Variants in ALG9 observed in about 807,000 individuals in gnomAD.
ALG9 encodes ALG9 alpha-1,2-mannosyltransferase.
A neutral mutation model predicts 81.8 loss-of-function variants in ALG9; 55 were observed. That is an observed-to-expected ratio of 0.67 (90% confidence interval 0.54 to 0.84). The LOEUF is 0.84. Ranked by LOEUF, ALG9 falls within the 40% of genes least tolerant of loss-of-function variation. The pLI, the probability that ALG9 is intolerant of heterozygous loss-of-function variation, is 0.00. For synonymous variants in ALG9, 278 were observed against 274.3 expected (o/e 1.01, Z -0.13); for missense variants, 629 against 745.0 (o/e 0.84, Z 1.81).
intron 14 of ALG9, among the ~76,000 whole-genome samples, chr11:111,801,579 G>C (rs141955026): frequency 1.6e-3 from 243 of 152,270 alleles, no homozygotes; most frequent in African/African-American, 5.5e-3. Flanking sequence ...AATAGTTACT[G>C]TTTTACTGAT....
chr11:111,854,143 G>A (rs1466499524), intron 6 of ALG9, among the ~76,000 whole-genome samples: 1 of 148,438 alleles, frequency 6.7e-6, no homozygotes, highest in Non-Finnish European at 1.5e-5. Flanking sequence ...TATTGCCCAG[G>A]CTGGAGTGCA....
chr11:111,866,982 C>T (rs1476068777), intron 3 of ALG9, among the ~76,000 whole-genome samples: 2 of 152,122 alleles, frequency 1.3e-5, no homozygotes, highest in Admixed American at 1.3e-4. Flanking sequence ...GTAATCCCAG[C>T]CACTCAGGAG....
chr11:111,841,231 G>T (rs1956166098), intron 9 of ALG9, among the ~76,000 whole-genome samples: 1 of 152,082 alleles, frequency 6.6e-6, no homozygotes, highest in South Asian at 2.1e-4. Context: ...CTGTTTAATT[G>T]GTGTCTCTTA....
chr11:111,866,864 AG>A (rs2137246360), intron 3 of ALG9, among the ~76,000 whole-genome samples: 1 of 152,144 alleles, frequency 6.6e-6, no homozygotes, highest in South Asian at 2.1e-4. Context: ...AGGCCAAGGC[AG>A]GTGGATCACT....
At chr11:111,803,467 C>T (rs1949442859) in intron 14 of ALG9, among the ~76,000 whole-genome samples, 1 of 147,934 alleles carries the variant, frequency 6.8e-6, no homozygotes, top group Admixed American at 6.8e-5. Flanking sequence ...CGGCACTGCA[C>T]TCCAACCTGG....
At chr11:111,844,948 C>T (rs1343707746) in intron 8 of ALG9, among the ~76,000 whole-genome samples, 1 of 152,178 alleles carries the variant, frequency 6.6e-6, no homozygotes, top group Admixed American at 6.5e-5. Flanking sequence ...AATCAAGTTT[C>T]AAATAGTTAG....
At chr11:111,863,538 A>G (rs1272881296) in intron 4 of ALG9, among the ~76,000 whole-genome samples, 2 of 152,140 alleles carry the variant, frequency 1.3e-5, no homozygotes, top group Admixed American at 6.5e-5. Context: ...AAGGCCAAAC[A>G]TTTTTTAAAA....
At chr11:111,833,212 T>C (rs1954684659) in intron 13 of ALG9, among the ~76,000 whole-genome samples, 1 of 152,174 alleles carries the variant, frequency 6.6e-6, no homozygotes, top group Non-Finnish European at 1.5e-5. Flanking sequence ...AGTGTATCAT[T>C]CACCTTGAAA....
At chr11:111,857,942 T>A in intron 5 of ALG9, 5 of 569,494 alleles carry the variant, frequency 8.8e-6, no homozygotes, top group African/African-American at 1.9e-5. Context: ...TTTTTCTCAC[T>A]CCTGGTTTTT....
chr11:111,831,416 T>C (rs1954355936), intron 13 of ALG9, among the ~76,000 whole-genome samples: 1 of 152,122 alleles, frequency 6.6e-6, no homozygotes, highest in African/African-American at 2.4e-5. Context: ...GAAGATCGAT[T>C]GAGCCCAGGA....
chr11:111,782,136 C>T (rs970585876), downstream of ALG9: 1 of 152,104 alleles, frequency 6.6e-6, no homozygotes, highest in East Asian at 1.9e-4. Context: ...CCTTCAGTTT[C>T]CAATTTCCAA....
In ALG9 at chr11:111,856,193, C is replaced by T. The variant is rs1178772636; in HGVS notation, c.701+1409G>A. Among the ~76,000 whole-genome samples, 4 of 147,782 alleles carry T rather than the reference C, an allele frequency of 2.7e-5. No individual in the cohort carries two copies. The Admixed American group carries it at 2.8e-4, about 10-fold the overall frequency. ...TTGGGAGGCTGAGGCAGGAGAATTG[C>T]TTGAACCCGGGAGACAGAGGTTGCA... On this transcript the variant is annotated intron_variant, in intron 6 of 14. Transcript: ENST00000616540.
chr11:111,825,663 A>G (rs1953110720), intron 13 of ALG9, among the ~76,000 whole-genome samples: 2 of 152,178 alleles, frequency 1.3e-5, no homozygotes, highest in Non-Finnish European at 2.9e-5. Context: ...CACTCAGTAC[A>G]CTGTTTAATA....
rs1951435537 is a variant in ALG9 at position 111,816,124 on chromosome 11, A to G, written c.1603-6351T>C. On this transcript the variant is annotated intron_variant, in intron 13 of 14. Coordinates refer to ENST00000616540, the MANE Select transcript of ALG9 (RefSeq NM_024740.2). ...TAGTTTTGATTAGTTGTTGGGCACT[A>G]TGATTTTACACTTTTGAGTATTGAA... Among the ~76,000 whole-genome samples the G allele has an allele frequency of 2.6e-5, 4 of 152,212 alleles. 1 individual carries two copies. The highest frequency in any genetic ancestry group is 1.3e-4 in the Admixed American group (2 of 15,294).
At chr11:111,800,635 C>A (rs1948974181) in intron 14 of ALG9, among the ~76,000 whole-genome samples, 1 of 152,060 alleles carries the variant, frequency 6.6e-6, no homozygotes, top group African/African-American at 2.4e-5. Flanking sequence ...ACTGCTCACT[C>A]CTCTTGCAAC....
intron 14 of ALG9, chr11:111,788,321 C>T (rs1224556373): frequency 1.8e-5 from 8 of 437,350 alleles, no homozygotes; most frequent in Admixed American, 5.1e-5. Context: ...CTGTAAGATT[C>T]ACTTCACTTC....
intron 14 of ALG9, among the ~76,000 whole-genome samples, chr11:111,804,366 G>GA (rs1949617401): frequency 1.3e-5 from 2 of 152,102 alleles, no homozygotes; most frequent in Non-Finnish European, 2.9e-5. Flanking sequence ...CAGACTGGGA[G>GA]AAAATACTTG....
At chr11:111,821,438 GC>G (rs1952355912) in intron 13 of ALG9, among the ~76,000 whole-genome samples, 1 of 152,138 alleles carries the variant, frequency 6.6e-6, no homozygotes, top group Non-Finnish European at 1.5e-5. Context: ...TCTCTACCAT[GC>G]CAGACTAGAG....
chr11:111,868,886 C>T, intron 2 of ALG9, 150 bp from the exon 3 acceptor site: 4 of 713,426 alleles, frequency 5.6e-6, no homozygotes, highest in Non-Finnish European at 8.1e-6. Flanking sequence ...TTTGGGAGGG[C>T]AAGGCAAGCA....
Sources: gnomAD v4.1 joint callset for allele counts (sites outside exome capture counted in the v4.1 genomes callset) on GRCh38, gnomAD v4.1.1 for gene constraint, MANE v1.5 for transcripts, NCBI Gene and HGNC (gene_info 2026-07-23, HGNC 2026-07-21) for gene names.